The following MED12L variants were observed in gnomAD, a reference collection of about 807,000 sequenced individuals.
The protein encoded by MED12L is mediator of RNA polymerase II transcription subunit 12-like protein.
In MED12L, 60 loss-of-function variants were observed where a neutral mutation model predicts 281.3. That is an observed-to-expected ratio of 0.21 (90% CI 0.17 to 0.26). The LOEUF (loss-of-function observed/expected upper bound fraction) is 0.26, where lower values mean the gene tolerates loss of function less well. Ranked by LOEUF, MED12L falls within the 10% of genes least tolerant of loss-of-function variation. The pLI is 1.00. For missense variants in MED12L, 2,146 were observed against 2,680.9 expected, an observed-to-expected ratio of 0.80 and a Z score of 4.41; for synonymous variants, 974 against 987.2, an observed-to-expected ratio of 0.99 and a Z score of 0.25.
At position 151,159,062 on chromosome 3, in the gene MED12L, G is replaced by A. The variant is rs1442368699; in HGVS notation, c.837+263G>A. Among the ~76,000 whole-genome samples the A allele has an allele frequency of 3.3e-5, 5 of 152,146 alleles. No homozygotes were observed. In the East Asian group the frequency reaches 5.8e-4, roughly 18 times the overall value. ...CCACATTGATTTCTCCTATCACTGA[G>A]CAAAGCAACCAACTTTTAAAATACT... On this transcript the variant is annotated intron_variant, in intron 7 of 44. Coordinates refer to ENST00000687756, the MANE Select transcript of MED12L (RefSeq NM_001393769.1).
intron 26 of MED12L, among the ~76,000 whole-genome samples, chr3:151,369,785 G>A (rs987895429): frequency 3.9e-5 from 6 of 152,126 alleles, no homozygotes; most frequent in Admixed American, 1.3e-4. Context: ...TGGTATTTTA[G>A]TTGCATAATG....
chr3:151,103,570 C>T (rs1252360908), intron 2 of MED12L, among the ~76,000 whole-genome samples: 3 of 152,156 alleles, frequency 2.0e-5, no homozygotes, highest in East Asian at 3.9e-4. Context: ...GTCATGTGCT[C>T]ATTTTGGGCC....
chr3:151,209,635 G>T (rs562543229), intron 16 of MED12L, among the ~76,000 whole-genome samples: 3 of 152,174 alleles, frequency 2.0e-5, no homozygotes, highest in African/African-American at 7.2e-5. Context: ...GGAGTGATCT[G>T]TTATATTTGT....
chr3:151,211,852 C>T (rs1300428751), intron 16 of MED12L, among the ~76,000 whole-genome samples: 2 of 152,158 alleles, frequency 1.3e-5, no homozygotes, highest in African/African-American at 2.4e-5. Flanking sequence ...CGCCATGTTG[C>T]CCAGGCTGGT....
rs1358299774 is a variant in MED12L at position 151,348,344 on chromosome 3, A to C, written c.2251-1715A>C. ...TATGTACACAAACCACCAGACCAAA[A>C]AAAAAAAAAAAAAAAAAAAGAAAAA... On this transcript the variant is annotated intron_variant, in intron 16 of 44. Coordinates refer to ENST00000687756, the MANE Select transcript of MED12L (RefSeq NM_001393769.1). 1.6e-3 allele frequency among the ~76,000 whole-genome samples: 62 copies of C among 37,820 alleles called. No individual in the cohort carries two copies. The East Asian group carries it at 0.021, about 13-fold the overall frequency. The allele number at this position is 37,820 out of a possible 152,430, so 24.8% of individuals were successfully genotyped here.
At chr3:151,138,531 G>A (rs1337154490) in intron 5 of MED12L, among the ~76,000 whole-genome samples, 1 of 152,034 alleles carries the variant, frequency 6.6e-6, no homozygotes, top group Non-Finnish European at 1.5e-5. Context: ...ATCTTATTCA[G>A]GATATTATAT....
chr3:151,389,821 G>A (rs1713953359), intron 37 of MED12L, among the ~76,000 whole-genome samples, 158 bp from the exon 38 acceptor site: 1 of 151,998 alleles, frequency 6.6e-6, no homozygotes, highest in African/African-American at 2.4e-5. Context: ...TATTTCCAGG[G>A]GATTTATTAG....
chr3:151,090,356 A>G (rs1719867267), intron 2 of MED12L, among the ~76,000 whole-genome samples: 1 of 152,160 alleles, frequency 6.6e-6, no homozygotes, highest in African/African-American at 2.4e-5. Flanking sequence ...GTCATGAACT[A>G]CTGTCATGCC....
At chr3:151,156,073 C>G (rs1719236195) in intron 5 of MED12L, 88 bp from the exon 6 acceptor site, 1 of 1,160,396 alleles carries the variant, frequency 8.6e-7, no homozygotes, top group Admixed American at 2.3e-5. Flanking sequence ...TCAGTACACC[C>G]TCGAGATAAT....
intron 16 of MED12L, among the ~76,000 whole-genome samples, chr3:151,250,647 C>T (rs1246086352): frequency 2.0e-5 from 3 of 152,122 alleles, no homozygotes; most frequent in African/African-American, 7.2e-5. Context: ...TATGTATATA[C>T]CACATTTTGT....
intron 19 of MED12L, 73 bp downstream of exon 19, chr3:151,356,112 C>A: frequency 1.4e-6 from 2 of 1,458,018 alleles, no homozygotes; most frequent in Non-Finnish European, 1.9e-6. Context: ...TTAAAGTGAG[C>A]CAATTAGCTG....
intron 15 of MED12L, among the ~76,000 whole-genome samples, chr3:151,192,923 G>A (rs780559341): frequency 1.3e-5 from 2 of 152,056 alleles, no homozygotes; most frequent in African/African-American, 2.4e-5. Flanking sequence ...TCATTAATGC[G>A]TGAATGTAGC....
chr3:151,239,426 A>G (rs1026778287), intron 16 of MED12L, among the ~76,000 whole-genome samples: 2 of 152,232 alleles, frequency 1.3e-5, no homozygotes, highest in Non-Finnish European at 2.9e-5. Flanking sequence ...TAACCTAAAC[A>G]TTTTGCAAGA....
At chr3:151,370,141 T>G (rs1755998517) in intron 26 of MED12L, among the ~76,000 whole-genome samples, 1 of 152,192 alleles carries the variant, frequency 6.6e-6, no homozygotes, top group Non-Finnish European at 1.5e-5. Flanking sequence ...TTTACATCCT[T>G]ATTTGTAAGA....
intron 2 of MED12L, among the ~76,000 whole-genome samples, chr3:151,107,959 C>G (rs1335082629): frequency 6.6e-6 from 1 of 152,186 alleles, no homozygotes; most frequent in East Asian, 1.9e-4. Context: ...AATGCCAGTC[C>G]TGGGCGACTG....
At chr3:151,239,985 A>G (rs983763018) in intron 16 of MED12L, among the ~76,000 whole-genome samples, 3 of 151,766 alleles carry the variant, frequency 2.0e-5, no homozygotes, top group African/African-American at 4.8e-5. Context: ...TTGTTTATCT[A>G]CCCACCAGAT....
intron 16 of MED12L, among the ~76,000 whole-genome samples, chr3:151,250,148 C>T (rs1466464149): frequency 6.6e-6 from 1 of 152,184 alleles, no homozygotes; most frequent in East Asian, 1.9e-4. Flanking sequence ...ACTCTGTAAT[C>T]TAGTCCACTC....
chr3:151,267,140 GT>G (rs1018681831), intron 16 of MED12L, among the ~76,000 whole-genome samples: 5 of 152,300 alleles, frequency 3.3e-5, no homozygotes, highest in African/African-American at 1.2e-4. Context: ...TATTTTGACT[GT>G]TTACAGGAAC....
intron 37 of MED12L, among the ~76,000 whole-genome samples, chr3:151,388,386 AATTTT>A (rs1216804805): frequency 1.3e-5 from 2 of 152,352 alleles, no homozygotes; most frequent in East Asian, 1.9e-4. Flanking sequence ...CACTTTTAAT[AATTTT>A]ATTTTAATTG....
Sources: allele counts gnomAD v4.1 joint callset (sites outside exome capture counted in the v4.1 genomes callset), GRCh38; gene constraint gnomAD v4.1.1; transcripts MANE v1.5; gene names NCBI Gene and HGNC (gene_info 2026-07-23, HGNC 2026-07-21).